Variants in SMARCA2 observed in about 807,000 individuals in gnomAD.
SMARCA2 encodes SWI/SNF-related matrix-associated actin-dependent regulator of chromatin subfamily A member 2.
In SMARCA2, 61 loss-of-function variants were observed where a neutral mutation model predicts 199.8. That is an observed-to-expected ratio of 0.31 (90% CI 0.25 to 0.38). The LOEUF (loss-of-function observed/expected upper bound fraction) is 0.38, where lower values mean the gene tolerates loss of function less well. SMARCA2 is among the 10% of genes least tolerant of loss of function. The pLI, the probability that SMARCA2 is intolerant of heterozygous loss-of-function variation, is 1.00. For synonymous variants in SMARCA2, 935 were observed against 732.0 expected (o/e 1.28, Z -4.48); for missense variants, 1,344 against 2,012.2 (o/e 0.67, Z 6.35).
chr9:2,109,273 T>C (rs1013841058), intron 23 of SMARCA2, among the ~76,000 whole-genome samples: 2 of 152,182 alleles, frequency 1.3e-5, no homozygotes, highest in Admixed American at 1.3e-4. Flanking sequence ...CCTAAAGCCT[T>C]CTTTCAAAAT....
chr9:2,192,553 T>C, intron 33 of SMARCA2, 151 bp from the exon 34 acceptor site: 1 of 704,216 alleles, frequency 1.4e-6, no homozygotes, highest in Non-Finnish European at 2.6e-6. Flanking sequence ...GATGCCTCTT[T>C]AATGTGTTTC....
At chr9:2,137,540 T>A (rs1414987554) in intron 27 of SMARCA2, among the ~76,000 whole-genome samples, 1 of 152,086 alleles carries the variant, frequency 6.6e-6, no homozygotes, top group Non-Finnish European at 1.5e-5. Context: ...GTCCCAATGA[T>A]CTCCTTCCAG....
In SMARCA2 at chr9:2,077,785, C is replaced by A. The variant is rs1453090339; in HGVS notation, c.2184+9C>A. 1 of 1,599,754 alleles carries A rather than the reference C, an allele frequency of 6.3e-7. No individual in the cohort carries two copies. Among genetic ancestry groups the A allele is most frequent in the East Asian group, 2.2e-5 (1 of 44,540 alleles). ...CCCTAAAGCATTACCAGGTAATTGG[C>A]ATGGTTTCAGTTTCCTTGGCAAGTT... On this transcript the variant is annotated intron_variant, in intron 14 of 33. Coordinates refer to ENST00000349721, the MANE Select transcript of SMARCA2 (RefSeq NM_003070.5).
At chr9:2,085,047 G>A (rs1479590582) in intron 17 of SMARCA2, among the ~76,000 whole-genome samples, 1 of 152,032 alleles carries the variant, frequency 6.6e-6, no homozygotes, top group Non-Finnish European at 1.5e-5. Context: ...CTCTATTTCT[G>A]GGGTCTATTC....
chr9:2,026,268 C>T (rs1426313911), intron 1 of SMARCA2, among the ~76,000 whole-genome samples: 1 of 152,180 alleles, frequency 6.6e-6, no homozygotes, highest in Non-Finnish European at 1.5e-5. Flanking sequence ...TAGTCTGAGC[C>T]ACACACATGC....
chr9:2,178,826 C>G (rs973432032), intron 29 of SMARCA2, among the ~76,000 whole-genome samples: 2 of 152,080 alleles, frequency 1.3e-5, no homozygotes, highest in African/African-American at 4.8e-5. Context: ...TAGGTACTGC[C>G]CAGGACCTCC....
At chr9:2,054,881 C>T (rs925640653) in intron 6 of SMARCA2, among the ~76,000 whole-genome samples, 158 bp downstream of exon 6, 1 of 152,202 alleles carries the variant, frequency 6.6e-6, no homozygotes, top group Non-Finnish European at 1.5e-5. Context: ...CAGCTTACAA[C>T]TAAAAATGAT....
chr9:2,144,338 G>T (rs578257684), intron 27 of SMARCA2, among the ~76,000 whole-genome samples: 2 of 152,264 alleles, frequency 1.3e-5, no homozygotes, highest in South Asian at 4.1e-4. Flanking sequence ...TTGGCCAGAT[G>T]AGGAAATTCC....
At chr9:2,120,184 T>C (rs1823395659) in intron 26 of SMARCA2, among the ~76,000 whole-genome samples, 1 of 152,206 alleles carries the variant, frequency 6.6e-6, no homozygotes, top group South Asian at 2.1e-4. Context: ...CTTCAATCAT[T>C]TTCATCTTCA....
At chr9:2,151,262 C>T (rs1476434816) in intron 27 of SMARCA2, among the ~76,000 whole-genome samples, 1 of 151,516 alleles carries the variant, frequency 6.6e-6, no homozygotes, top group Admixed American at 6.6e-5. Flanking sequence ...TCAGTGAAAA[C>T]ATGACATTTA....
intron 32 of SMARCA2, among the ~76,000 whole-genome samples, chr9:2,186,913 C>G (rs928033230): frequency 1.3e-5 from 2 of 152,234 alleles, no homozygotes; most frequent in African/African-American, 4.8e-5. Flanking sequence ...ATCTTCTCTT[C>G]TTTACCACGG....
In SMARCA2 at chr9:2,056,695, C is replaced by T; in HGVS notation, c.1197C>T (p.Cys399=). 1.2e-6 allele frequency: 2 copies of T among 1,613,826 alleles called. No homozygotes were observed. The highest frequency in any genetic ancestry group is 1.7e-4 in the Middle Eastern group (1 of 6,042). The part of the protein sequence containing the change: ...QRQLRQEVVA[C]MRRDTTLETA... ...AGCTGAGACAGGAGGTGGTGGCCTG[C>T]ATGCGCAGGGACACGACCCTGGAGA... The change falls in exon 7 of 34, where the codon TGC becomes TGT. Residue 399 remains cysteine, a synonymous_variant. Coordinates refer to ENST00000349721, the MANE Select transcript of SMARCA2 (RefSeq NM_003070.5). The surrounding 1 kb of genome is among the most constrained non-coding windows in gnomAD (Gnocchi z 4.0).
At chr9:2,173,003 A>T (rs2129757522) in intron 29 of SMARCA2, among the ~76,000 whole-genome samples, 1 of 152,314 alleles carries the variant, frequency 6.6e-6, no homozygotes, top group South Asian at 2.1e-4. Flanking sequence ...GTAGGTAGGA[A>T]GACAAGGGAA....
chr9:2,054,531 A>G (rs1431679724), intron 5 of SMARCA2, 66 bp from the exon 6 acceptor site: 16 of 1,565,132 alleles, frequency 1.0e-5, no homozygotes, highest in South Asian at 4.6e-5. Flanking sequence ...ATTGTTTATC[A>G]TTTAAGATTA....
chr9:2,082,297 A>G (rs554046655), intron 15 of SMARCA2, among the ~76,000 whole-genome samples: 2 of 137,506 alleles, frequency 1.5e-5, no homozygotes, highest in South Asian at 5.1e-4. Context: ...GTGGCTCACA[A>G]AGGGGAAAGG....
intron 5 of SMARCA2, among the ~76,000 whole-genome samples, chr9:2,050,333 T>TC (rs369776369): frequency 1.3e-5 from 2 of 152,064 alleles, no homozygotes; most frequent in Non-Finnish European, 2.9e-5. Context: ...TTTTTTTTTT[T>TC]CTTTTTTTTC....
rs750984628 is a variant in SMARCA2 at position 2,039,812 on chromosome 9, G to GCAGCAA, written c.708_713dup (p.Gln237_Gln238dup). On this transcript the variant is annotated inframe_insertion, in exon 4 of 34. Coordinates refer to ENST00000349721, the MANE Select transcript of SMARCA2 (RefSeq NM_003070.5). This position sits in a 1 kb window ranked among gnomAD's most constrained non-coding sequence, Gnocchi z 4.8. ...AGCAGCAGCAGCAGCAGCAGCAGCA[G>GCAGCAA]CAGCAACAGCAGCCGCAGCAGCAGC... 11 of 1,606,052 alleles carry GCAGCAA rather than the reference G, an allele frequency of 6.8e-6. No homozygotes were observed. The highest frequency in any genetic ancestry group is 1.1e-5 in the South Asian group (1 of 90,338).
chr9:2,048,684 A>G (rs12006028), intron 5 of SMARCA2, among the ~76,000 whole-genome samples: 19,550 of 152,198 alleles, frequency 0.13, 1,370 homozygotes, highest in Middle Eastern at 0.16. Flanking sequence ...TGGATGAAGA[A>G]TATAACTTTA....
intron 25 of SMARCA2, among the ~76,000 whole-genome samples, chr9:2,116,430 C>T (rs1390285983): frequency 6.6e-6 from 1 of 151,972 alleles, no homozygotes; most frequent in Non-Finnish European, 1.5e-5. Context: ...TTCTCTCATC[C>T]TCCAGAGCCC....
Sources: gnomAD v4.1 joint callset for allele counts (sites outside exome capture counted in the v4.1 genomes callset) on GRCh38, gnomAD v4.1.1 for gene constraint, Gnocchi (gnomAD v3.1) non-coding constraint, MANE v1.5 for transcripts, NCBI Gene and HGNC (gene_info 2026-07-23, HGNC 2026-07-21) for gene names.